The following PDE4D variants were observed in gnomAD, a reference collection of about 807,000 sequenced individuals.
PDE4D encodes the protein phosphodiesterase 4D, also known as 3',5'-cyclic-AMP phosphodiesterase 4D.
A neutral mutation model predicts 87.4 loss-of-function variants in PDE4D; 24 were observed. That is an observed-to-expected ratio of 0.27 (90% CI 0.20 to 0.39). The LOEUF (loss-of-function observed/expected upper bound fraction) is 0.39. Among genes scored for constraint, PDE4D ranks in the 10% least tolerant of loss-of-function variants. The probability of loss-of-function intolerance (pLI) is 1.00; values close to 1 mark genes in which losing one functional copy is unlikely to be tolerated. For missense variants in PDE4D, 714 were observed against 1,041.0 expected, an observed-to-expected ratio of 0.69 and a Z score of 4.32; for synonymous variants, 384 against 383.2, an observed-to-expected ratio of 1.00 and a Z score of -0.02.
chr5:60,384,096 C>T (rs922588604), intron 1 of PDE4D, among the ~76,000 whole-genome samples: 12 of 152,138 alleles, frequency 7.9e-5, no homozygotes, highest in Admixed American at 1.3e-4. Flanking sequence ...CTTTTGGCAA[C>T]ATAAAATTGA....
chr5:59,659,062 A>G (rs1224177571), intron 1 of PDE4D, among the ~76,000 whole-genome samples: 1 of 152,232 alleles, frequency 6.6e-6, no homozygotes, highest in African/African-American at 2.4e-5. Flanking sequence ...TTCTCTGTAC[A>G]ATGAAAACCT....
At chr5:60,427,562 A>G (rs1053770120) in intron 1 of PDE4D, among the ~76,000 whole-genome samples, 1 of 152,240 alleles carries the variant, frequency 6.6e-6, no homozygotes, top group Non-Finnish European at 1.5e-5. Flanking sequence ...TAAGAAATAC[A>G]AAAAGTTGAA....
intron 1 of PDE4D, among the ~76,000 whole-genome samples, chr5:59,847,154 C>G (rs1390373587): frequency 6.6e-6 from 1 of 151,878 alleles, no homozygotes; most frequent in Non-Finnish European, 1.5e-5. Flanking sequence ...TCATACAACT[C>G]GGCGCTGTGA....
intron 3 of PDE4D, among the ~76,000 whole-genome samples, chr5:59,938,405 C>A (rs1756840506): frequency 6.6e-6 from 1 of 152,138 alleles, no homozygotes. Flanking sequence ...AAGTCAGATC[C>A]AGCTCTTTCT....
chr5:58,991,832 C>T lies in PDE4D; in HGVS notation c.1188G>A (p.Lys396=). Residue 396 remains lysine, a splice_region_variant and synonymous_variant, in exon 8 of 15, where the codon AAG becomes AAA. Coordinates refer to ENST00000340635, the MANE Select transcript of PDE4D (RefSeq NM_001104631.2). ...ATCCTGATCTTTGAAATCATCATACCTTGGCAAGGACATCTTCTTGTTCAG... is the reference window on the plus strand; with the variant it reads ...ATCCTGATCTTTGAAATCATCATACTTTGGCAAGGACATCTTCTTGTTCAG... The part of the protein sequence containing the change: ...VKTEQEDVLA[K]ELEDVNKWGL... 6.8e-7 allele frequency: 1 copy of T among 1,473,766 alleles called. No homozygotes were observed. The highest frequency in any genetic ancestry group is 9.0e-7 in the Non-Finnish European group (1 of 1,110,806). The allele number at this position is 1,473,766 out of a possible 1,614,324, so 91.3% of individuals were successfully genotyped here.
chr5:59,797,358 G>C (rs1221978736), intron 1 of PDE4D, among the ~76,000 whole-genome samples: 1 of 152,218 alleles, frequency 6.6e-6, no homozygotes, highest in East Asian at 1.9e-4. Context: ...TCAGGAAGCA[G>C]TTCACAAGAG....
intron 1 of PDE4D, among the ~76,000 whole-genome samples, chr5:60,228,949 T>C (rs1481154443): frequency 1.3e-5 from 2 of 152,184 alleles, no homozygotes; most frequent in East Asian, 3.9e-4. Flanking sequence ...ATAGTGAGAA[T>C]GGCTATGGTT....
At chr5:60,022,382 G>T (rs1317756571) in intron 2 of PDE4D, among the ~76,000 whole-genome samples, 1 of 152,022 alleles carries the variant, frequency 6.6e-6, no homozygotes, top group African/African-American at 2.4e-5. Flanking sequence ...GAAGAAATGG[G>T]GAAGTTAATT....
chr5:59,669,250 A>T (rs1391319221), intron 1 of PDE4D, among the ~76,000 whole-genome samples: 1 of 152,088 alleles, frequency 6.6e-6, no homozygotes, highest in Non-Finnish European at 1.5e-5. Flanking sequence ...AGTAGCTGGG[A>T]TTACAGGCAT....
intron 1 of PDE4D, among the ~76,000 whole-genome samples, chr5:60,516,746 C>A (rs769970742): frequency 6.6e-6 from 1 of 152,114 alleles, no homozygotes; most frequent in Non-Finnish European, 1.5e-5. Flanking sequence ...TGGATTAACT[C>A]ATTTAATTTT....
chr5:60,038,283 T>A (rs1159325246), intron 2 of PDE4D, among the ~76,000 whole-genome samples: 1 of 152,210 alleles, frequency 6.6e-6, no homozygotes, highest in East Asian at 1.9e-4. Flanking sequence ...CTGTAATCCA[T>A]CTTGAATTGA....
At chr5:60,489,441 AT>A (rs1261533122), upstream of PDE4D, among the ~76,000 whole-genome samples, 10 of 152,214 alleles carry the variant, frequency 6.6e-5, no homozygotes, top group Admixed American at 5.9e-4. Context: ...AGAGACATTT[AT>A]GCACTTTTTT....
intron 6 of PDE4D, among the ~76,000 whole-genome samples, chr5:59,017,406 G>A (rs1008221747): frequency 1.3e-5 from 2 of 152,136 alleles, no homozygotes; most frequent in African/African-American, 2.4e-5. Context: ...TTTGCAAGAT[G>A]GAGAAGACCG....
intron 5 of PDE4D, among the ~76,000 whole-genome samples, chr5:59,167,025 T>G (rs1782025127): frequency 6.6e-6 from 1 of 152,222 alleles, no homozygotes; most frequent in African/African-American, 2.4e-5. Flanking sequence ...TCCACATGCT[T>G]TTAAATAAGA....
chr5:59,313,498 C>T (rs1773092408), intron 1 of PDE4D, among the ~76,000 whole-genome samples: 1 of 151,552 alleles, frequency 6.6e-6, no homozygotes, highest in Non-Finnish European at 1.5e-5. Flanking sequence ...TTAGAGATGC[C>T]CCACACTTAT....
intron 1 of PDE4D, among the ~76,000 whole-genome samples, chr5:59,334,312 G>A (rs1284719058): frequency 7.0e-6 from 1 of 142,718 alleles, no homozygotes; most frequent in Non-Finnish European, 1.5e-5. Context: ...AGGCTGGAGT[G>A]CAATGGCATG....
Position 58,974,532 on chromosome 5 carries a change from C to G in PDE4D, c.*132G>C, listed in dbSNP as rs779139607. Reference sequence around the variant, plus strand: ...ATTCCTGAGCGCTGGACTGAGTAGTCAAGGTCAGTTTTGTTCAACAAACGT... The same window carrying G: ...ATTCCTGAGCGCTGGACTGAGTAGTGAAGGTCAGTTTTGTTCAACAAACGT... On this transcript the variant is annotated 3_prime_UTR_variant, in exon 15 of 15. Coordinates refer to ENST00000340635, the MANE Select transcript of PDE4D (RefSeq NM_001104631.2). The G allele has an allele frequency of 6.3e-6, 5 of 798,564 alleles. No individual in the cohort carries two copies. Among genetic ancestry groups the G allele is most frequent in the Admixed American group, 2.4e-5 (1 of 41,146 alleles). 49.5% of individuals were successfully genotyped at this position (798,564 alleles called of 1,614,324 possible). A position where few individuals can be genotyped will look rare whatever the true frequency, so the allele number is the denominator to read the frequency against.
chr5:60,299,233 C>A (rs965028596), intron 1 of PDE4D, among the ~76,000 whole-genome samples: 1 of 151,792 alleles, frequency 6.6e-6, no homozygotes, highest in Admixed American at 6.6e-5. Flanking sequence ...GCCTTTAAAA[C>A]CAAAAGTAAT....
intron 1 of PDE4D, among the ~76,000 whole-genome samples, chr5:59,709,070 C>G (rs1393566686): frequency 6.6e-6 from 1 of 152,030 alleles, no homozygotes; most frequent in South Asian, 2.1e-4. Context: ...CTTCTTCTAC[C>G]CACTCAACTA....
Sources: allele counts gnomAD v4.1 joint callset (sites outside exome capture counted in the v4.1 genomes callset), GRCh38; gene constraint gnomAD v4.1.1; transcripts MANE v1.5; gene names NCBI Gene and HGNC (gene_info 2026-07-23, HGNC 2026-07-21).